The following PLA2G3 variants were observed in gnomAD, a reference collection of about 807,000 sequenced individuals.
The protein encoded by PLA2G3 is group 3 secretory phospholipase A2.
In PLA2G3, 39 loss-of-function variants were observed where a neutral mutation model predicts 51.3. That is an observed-to-expected ratio of 0.76 (90% CI 0.59 to 0.99). The LOEUF is 0.99. PLA2G3 is among the 50% of genes least tolerant of loss of function. PLA2G3 has a pLI of 0.00. For synonymous variants in PLA2G3, 293 were observed against 263.1 expected, an observed-to-expected ratio of 1.11 and a Z score of -1.10; for missense variants, 677 against 662.1, an observed-to-expected ratio of 1.02 and a Z score of -0.25.
intron 4 of PLA2G3, 28 bp from the exon 5 acceptor site, chr22:31,137,068 A>G (rs1248063156): frequency 6.7e-7 from 1 of 1,488,150 alleles, no homozygotes; most frequent in South Asian, 1.3e-5. Context: ...TGTTGATGGG[A>G]GCCCAATCCA....
At chr22:31,139,687 G>A (rs540321228) in intron 1 of PLA2G3, among the ~76,000 whole-genome samples, 154 bp downstream of exon 1, 2 of 152,198 alleles carry the variant, frequency 1.3e-5, no homozygotes, top group African/African-American at 2.4e-5. Context: ...GATGAGATTC[G>A]TGATTGCCCC....
rs755290641 is a variant in PLA2G3 at position 31,140,139 on chromosome 22, G to A, written c.216C>T (p.Ser72=). The A allele has an allele frequency of 6.2e-7, 1 of 1,612,898 alleles. No homozygotes were observed. The highest frequency in any genetic ancestry group is 8.5e-7 in the Non-Finnish European group (1 of 1,179,978). The change falls in exon 1 of 7, where the codon AGC becomes AGT. Residue 72 remains serine (S), a synonymous_variant. Coordinates refer to ENST00000215885, the MANE Select transcript of PLA2G3 (RefSeq NM_015715.5). ...CGGTGAGCTCCGGCTCATCCTCCCA[G>A]CTACATGACTGCAGCCTCCTATGCG... ...WDAHRRLQSC[S]WEDEPELTAA... is the part of the protein sequence containing the mutation.
chr22:31,140,473 A>T lies in PLA2G3; in HGVS notation c.-119T>A. The T allele has an allele frequency of 8.7e-7, 1 of 1,148,130 alleles. No individual in the cohort carries two copies. The highest frequency in any genetic ancestry group is 1.2e-6 in the Non-Finnish European group (1 of 821,262). 71.1% of individuals were successfully genotyped at this position (1,148,130 alleles called of 1,614,324 possible). A position where few individuals can be genotyped will look rare whatever the true frequency, so the allele number is the denominator to read the frequency against. On this transcript the variant is annotated 5_prime_UTR_variant, in exon 1 of 7. Transcript: ENST00000215885. ...AGCCCAGCAGGCCCGGTGCGGCGGGACCAATGAATGGAGCTGCGGGAGGAG... is the reference window on the plus strand; with the variant it reads ...AGCCCAGCAGGCCCGGTGCGGCGGGTCCAATGAATGGAGCTGCGGGAGGAG...
At position 31,140,275 on chromosome 22, in the gene PLA2G3, T is replaced by C. The variant is rs1412404056; in HGVS notation, c.80A>G (p.Tyr27Cys). 1.2e-6 allele frequency: 2 copies of C among 1,611,950 alleles called. No homozygotes were observed. Among genetic ancestry groups the C allele is most frequent in the Non-Finnish European group, 1.7e-6 (2 of 1,179,890 alleles). The change falls in exon 1 of 7, where the codon TAC becomes TGC. Residue 27 changes from tyrosine to cysteine, a missense_variant. By Grantham distance (194) the Tyr-to-Cys change is radical (BLOSUM62 -2). Transcript: ENST00000215885. Reference sequence around the variant, plus strand: ...CTTGGTCAAGTGGCAGGAGGTCCTGTACCAGCGGAGGGCAGGGGAGCCCCC... The same window carrying C: ...CTTGGTCAAGTGGCAGGAGGTCCTGCACCAGCGGAGGGCAGGGGAGCCCCC... Reference protein sequence around the residue: ...ALGGSPALRWYRTSCHLTKAV... With the variant: ...ALGGSPALRWCRTSCHLTKAV...
intron 1 of PLA2G3, among the ~76,000 whole-genome samples, chr22:31,139,594 C>A (rs1221107958): frequency 1.3e-5 from 2 of 152,064 alleles, no homozygotes; most frequent in Non-Finnish European, 2.9e-5. Flanking sequence ...CCCAGCCTGC[C>A]CAGTCCCTCG....
intron 3 of PLA2G3, 32 bp from the exon 4 acceptor site, chr22:31,138,025 C>T (rs1268741172): frequency 1.3e-6 from 2 of 1,523,450 alleles, no homozygotes; most frequent in East Asian, 2.3e-5. Flanking sequence ...AAATTGGTGA[C>T]TGGGAATCCC....
chr22:31,135,451 CA>C lies in PLA2G3; in HGVS notation c.*271del. ...CTCATCTGTATGTGAAGTTCCCTGG[CA>C]AGGCCAAAGCCCAGGGCATCAGAAT... On this transcript the variant is annotated 3_prime_UTR_variant, in exon 7 of 7. Coordinates refer to ENST00000215885, the MANE Select transcript of PLA2G3 (RefSeq NM_015715.5). 2.0e-6 allele frequency: 1 copy of C among 501,930 alleles called. No individual in the cohort carries two copies. The highest frequency in any genetic ancestry group is 3.6e-6 in the Non-Finnish European group (1 of 279,060). 31.1% of individuals were successfully genotyped at this position (501,930 alleles called of 1,614,324 possible).
intron 4 of PLA2G3, 66 bp from the exon 5 acceptor site, chr22:31,137,106 C>T (rs1180953815): frequency 2.1e-6 from 3 of 1,417,318 alleles, no homozygotes; most frequent in Admixed American, 5.7e-5. Flanking sequence ...ATGCCTGCGC[C>T]ATCCGGGAGA....
rs766800351 is a variant in PLA2G3, at chr22:31,136,672, A to G, written c.1316+11T>C. The G allele has an allele frequency of 1.4e-5, 22 of 1,607,694 alleles. No individual in the cohort carries two copies. In the African/African-American group the frequency reaches 2.4e-4, roughly 18 times the overall value. ...AAACCCCCCATCCCTCCTGGCTCTG[A>G]CATCACTTACTTTTTGCCTTCCACA... On this transcript the variant is annotated intron_variant, in intron 6 of 6. Transcript: ENST00000215885.
In PLA2G3 at chr22:31,140,000, G is replaced by C. The variant is rs140607392; in HGVS notation, c.355C>G (p.Arg119Gly). 1 of 1,613,696 alleles carries C rather than the reference G, an allele frequency of 6.2e-7. No homozygotes were observed. The highest frequency in any genetic ancestry group is 2.2e-5 in the East Asian group (1 of 44,864). Residue 119 changes from arginine to glycine, a missense_variant, in exon 1 of 7, where the codon CGA becomes GGA. Physicochemically the swap from Arg to Gly is moderately radical, Grantham distance 125. Coordinates refer to ENST00000215885, the MANE Select transcript of PLA2G3 (RefSeq NM_015715.5). ...ATLQSQWEAC[R>G]ALEESPAGAR... ...CCTGCTGGACTCTCCTCAAGCGCTC[G>C]GCATGCCTCCCACTGACTCTGAAGA...
chr22:31,139,045 A>G (rs1205504747), intron 1 of PLA2G3, among the ~76,000 whole-genome samples: 2 of 152,158 alleles, frequency 1.3e-5, no homozygotes, highest in African/African-American at 4.8e-5. Flanking sequence ...GCCCACCCAT[A>G]AATACATGGA....
rs770462011 is a variant in PLA2G3, at chr22:31,140,099, G to C, written c.256C>G (p.Leu86Val). 11 of 1,613,372 alleles carry C rather than the reference G, an allele frequency of 6.8e-6. No homozygotes were observed. The highest frequency in any genetic ancestry group is 2.2e-5 in the South Asian group (2 of 91,090). ...EPELTAAYGA[L>V]CAHETAWGSF... is the part of the protein sequence containing the mutation. ...CCCCAGGCAGTCTCATGAGCACAGA[G>C]AGCACCGTAGGCTGCGGTGAGCTCC... The change falls in exon 1 of 7, where the codon CTC becomes GTC. Residue 86 changes from leucine to valine, a missense_variant. Physicochemically the swap from Leu to Val is conservative, Grantham distance 32. Coordinates refer to ENST00000215885, the MANE Select transcript of PLA2G3 (RefSeq NM_015715.5).
chr22:31,136,683 T>C lies in PLA2G3; in HGVS notation c.1316A>G (p.Asn439Ser), dbSNP rs755594449. The change falls in exon 6 of 7, where the codon AAC becomes AGC. Residue 439 changes from asparagine (N) to serine (S), a missense_variant and splice_region_variant. Asn to Ser is a conservative substitution (Grantham distance 46, BLOSUM62 1). Coordinates refer to ENST00000215885, the MANE Select transcript of PLA2G3 (RefSeq NM_015715.5). Reference sequence around the variant, plus strand: ...CCCTCCTGGCTCTGACATCACTTACTTTTTGCCTTCCACACAGTCCAGTGG... The same window carrying C: ...CCCTCCTGGCTCTGACATCACTTACCTTTTGCCTTCCACACAGTCCAGTGG... ...APPLDCVEGK[N>S]CSRDPRAIRV... 2.4e-5 allele frequency: 39 copies of C among 1,612,418 alleles called. No homozygotes were observed. The highest frequency in any genetic ancestry group is 1.8e-4 in the Admixed American group (11 of 59,854).
At chr22:31,139,773 G>C (rs903722001) in intron 1 of PLA2G3, 68 bp downstream of exon 1, 107 of 1,110,110 alleles carry the variant, frequency 9.6e-5, no homozygotes, top group Admixed American at 2.1e-4. Flanking sequence ...AGGAGAGTAA[G>C]GGCTGGGGCT....
chr22:31,137,804 G>A lies in PLA2G3; in HGVS notation c.972C>T (p.Ala324=), dbSNP rs1922667078. 1 of 1,614,070 alleles carries A rather than the reference G, an allele frequency of 6.2e-7. No individual in the cohort carries two copies. Among genetic ancestry groups the A allele is most frequent in the Non-Finnish European group, 8.5e-7 (1 of 1,179,996 alleles). Reference sequence around the variant, plus strand: ...TAGGGTCCTGGAGGGCTGTGGTGTTGGCTTTGCTGGGGCGCTTGGACCCTT... The same window carrying A: ...TAGGGTCCTGGAGGGCTGTGGTGTTAGCTTTGCTGGGGCGCTTGGACCCTT... The part of the protein sequence containing the change: ...HQKGSKRPSK[A]NTTALQDPMV... The change falls in exon 4 of 7, where the codon GCC becomes GCT. Residue 324 remains alanine (A), a synonymous_variant. Coordinates refer to ENST00000215885, the MANE Select transcript of PLA2G3 (RefSeq NM_015715.5).
At chr22:31,137,684 C>A in intron 4 of PLA2G3, 26 bp downstream of exon 4, 7 of 1,555,272 alleles carry the variant, frequency 4.5e-6, no homozygotes, top group East Asian at 2.3e-5. Flanking sequence ...ATGTCAGGAA[C>A]CCCCAAGGTT....
At position 31,139,844 on chromosome 22, in the gene PLA2G3, G is replaced by T; in HGVS notation, c.511C>A (p.Leu171Met). ...CCACACACCCCTCATGGCTCACCCAGCTCCGAGGAGTTCCCAGCAGAATCT... is the reference window on the plus strand; with the variant it reads ...CCACACACCCCTCATGGCTCACCCATCTCCGAGGAGTTCCCAGCAGAATCT... ...VGDSAGNSSE[L>M]GVFQGPDLCC... The change falls in exon 1 of 7, where the codon CTG (leucine) becomes ATG (methionine). Residue 171 changes from leucine to methionine, a missense_variant. Leu to Met is a conservative substitution (Grantham distance 15). Coordinates refer to ENST00000215885, the MANE Select transcript of PLA2G3 (RefSeq NM_015715.5). 4 of 1,611,678 alleles carry T rather than the reference G, an allele frequency of 2.5e-6. No individual in the cohort carries two copies. Among genetic ancestry groups the T allele is most frequent in the Non-Finnish European group, 3.4e-6 (4 of 1,178,546 alleles).
At position 31,135,428 on chromosome 22, in the gene PLA2G3, C is replaced by T. The variant is rs1037728157; in HGVS notation, c.*295G>A. Reference sequence around the variant, plus strand: ...CAATAAGTTACCCTTTCCCCATTCTCATCTGTATGTGAAGTTCCCTGGCAA... The same window carrying T: ...CAATAAGTTACCCTTTCCCCATTCTTATCTGTATGTGAAGTTCCCTGGCAA... On this transcript the variant is annotated 3_prime_UTR_variant, in exon 7 of 7. Transcript: ENST00000215885. The T allele has an allele frequency of 1.4e-5, 6 of 443,190 alleles. No homozygotes were observed. The Admixed American group carries it at 2.2e-4, about 16-fold the overall frequency. The allele number at this position is 443,190 out of a possible 1,614,324, so 27.5% of individuals were successfully genotyped here.
intron 2 of PLA2G3, 116 bp downstream of exon 2, chr22:31,138,551 T>A: frequency 6.6e-7 from 1 of 1,504,238 alleles, no homozygotes; most frequent in Non-Finnish European, 9.2e-7. Context: ...ACCTGCACTG[T>A]GGGGTCCAAG....
Sources: gnomAD v4.1 joint callset for allele counts (sites outside exome capture counted in the v4.1 genomes callset) on GRCh38, gnomAD v4.1.1 for gene constraint, MANE v1.5 for transcripts, NCBI Gene and HGNC (gene_info 2026-07-23, HGNC 2026-07-21) for gene names.